Variants in ASIC2 observed in about 807,000 individuals in gnomAD.
ASIC2 encodes the protein acid sensing ion channel subunit 2, also known as acid-sensing ion channel 2.
Under a neutral mutation model 57.3 loss-of-function variants are expected in ASIC2, and 25 were observed. The ratio of observed to expected loss-of-function variants is 0.44; its 90% CI spans 0.32 to 0.61. ASIC2 has a LOEUF of 0.61. Among genes scored for constraint, ASIC2 ranks in the 20% least tolerant of loss-of-function variants. The pLI, the probability that ASIC2 is intolerant of heterozygous loss-of-function variation, is 0.06. For synonymous variants in ASIC2, 319 were observed against 307.5 expected, an observed-to-expected ratio of 1.04 and a Z score of -0.39; for missense variants, 641 against 738.1, an observed-to-expected ratio of 0.87 and a Z score of 1.52.
At chr17:33,361,504 T>C (rs1171063922) in intron 1 of ASIC2, among the ~76,000 whole-genome samples, 2 of 152,192 alleles carry the variant, frequency 1.3e-5, no homozygotes, top group East Asian at 1.9e-4. Context: ...AAGAACCAAC[T>C]TCTGGAAGTC....
chr17:33,436,849 A>ACTTCTT (rs1211289464), intron 1 of ASIC2, among the ~76,000 whole-genome samples: 1 of 76,392 alleles, frequency 1.3e-5, no homozygotes, highest in East Asian at 4.1e-4. Context: ...ACACATTCCA[A>ACTTCTT]CTTCTTTTTT....
chr17:33,350,281 T>C (rs1183312255), intron 1 of ASIC2, among the ~76,000 whole-genome samples: 3 of 152,222 alleles, frequency 2.0e-5, no homozygotes, highest in Admixed American at 2.0e-4. Context: ...TGGGACTATG[T>C]CTTGCCTCTC....
At chr17:34,101,052 CA>C (rs1910846455) in intron 1 of ASIC2, among the ~76,000 whole-genome samples, 1 of 152,176 alleles carries the variant, frequency 6.6e-6, no homozygotes, top group African/African-American at 2.4e-5. Flanking sequence ...TTAATTCTGA[CA>C]AAAGTCCTTA....
chr17:33,548,705 C>T (rs1398583439), intron 1 of ASIC2, among the ~76,000 whole-genome samples: 1 of 152,150 alleles, frequency 6.6e-6, no homozygotes. Context: ...TGGTCAGACA[C>T]TCAACTGTTT....
chr17:33,476,162 G>T (rs1913212275), intron 1 of ASIC2, among the ~76,000 whole-genome samples: 1 of 152,102 alleles, frequency 6.6e-6, no homozygotes, highest in Non-Finnish European at 1.5e-5. Flanking sequence ...ATTCTAGCAA[G>T]GACCTAACCG....
At chr17:33,222,270 T>C (rs1464528272) in intron 1 of ASIC2, among the ~76,000 whole-genome samples, 1 of 152,216 alleles carries the variant, frequency 6.6e-6, no homozygotes, top group East Asian at 1.9e-4. Context: ...AGTACTGATA[T>C]ATGCTACAAC....
chr17:33,891,501 T>A (rs1035229304), intron 1 of ASIC2, among the ~76,000 whole-genome samples: 1 of 152,214 alleles, frequency 6.6e-6, no homozygotes, highest in African/African-American at 2.4e-5. Flanking sequence ...TGGAGGATAC[T>A]ACATCATAAC....
chr17:33,778,261 TA>T (rs959201297), intron 1 of ASIC2, among the ~76,000 whole-genome samples: 137 of 152,130 alleles, frequency 9.0e-4, no homozygotes, highest in African/African-American at 3.2e-3. Context: ...AGCATGAGTG[TA>T]AAAAAGAAAA....
chr17:33,968,685 C>T (rs1204309683), intron 1 of ASIC2, among the ~76,000 whole-genome samples: 1 of 152,178 alleles, frequency 6.6e-6, no homozygotes, highest in African/African-American at 2.4e-5. Context: ...GGTCAGGAAG[C>T]GCCCATCTGC....
intron 1 of ASIC2, among the ~76,000 whole-genome samples, chr17:33,455,098 T>A (rs1912402856): frequency 6.6e-6 from 1 of 152,240 alleles, no homozygotes; most frequent in Admixed American, 6.5e-5. Flanking sequence ...GAGGCTTTTG[T>A]TGTATACAGG....
chr17:34,001,764 C>G (rs527782380), intron 1 of ASIC2: 2 of 152,342 alleles, frequency 1.3e-5, no homozygotes, highest in East Asian at 3.9e-4. Context: ...GTCCTTTCTA[C>G]CCTGTTTAGT....
At chr17:33,217,039 T>G (rs879436480) in intron 1 of ASIC2, among the ~76,000 whole-genome samples, 3 of 152,238 alleles carry the variant, frequency 2.0e-5, no homozygotes, top group Non-Finnish European at 2.9e-5. Context: ...TCCCAGTGAC[T>G]GTCAGAATAT....
chr17:33,506,092 A>C (rs1362488580), intron 1 of ASIC2, among the ~76,000 whole-genome samples: 2 of 152,272 alleles, frequency 1.3e-5, no homozygotes, highest in South Asian at 2.1e-4. Context: ...TAGGAGTAAA[A>C]GATAGAAATG....
intron 1 of ASIC2, among the ~76,000 whole-genome samples, chr17:33,654,987 A>C (rs1031858590): frequency 6.6e-6 from 1 of 152,216 alleles, no homozygotes; most frequent in Non-Finnish European, 1.5e-5. Flanking sequence ...CAACAAAAAA[A>C]GAAGACCTCC....
chr17:33,472,672 G>A (rs768456470), intron 1 of ASIC2, among the ~76,000 whole-genome samples: 25 of 152,244 alleles, frequency 1.6e-4, no homozygotes, highest in Non-Finnish European at 3.1e-4. Flanking sequence ...TCTTGGCAAT[G>A]GAATGATTAC....
intron 3 of ASIC2, 22 bp downstream of exon 3, chr17:33,088,841 C>T (rs780501546): frequency 3.1e-6 from 5 of 1,598,140 alleles, no homozygotes; most frequent in South Asian, 2.3e-5. Context: ...GACCATCAAT[C>T]CTGGGAGCCC....
At chr17:33,674,767 A>C (rs1020657377) in intron 1 of ASIC2, among the ~76,000 whole-genome samples, 3 of 152,178 alleles carry the variant, frequency 2.0e-5, no homozygotes, top group Non-Finnish European at 2.9e-5. Context: ...TGGCCTGAAA[A>C]AGAAGCAATG....
At chr17:33,073,982 C>G (rs1419804182) in intron 3 of ASIC2, among the ~76,000 whole-genome samples, 1 of 152,110 alleles carries the variant, frequency 6.6e-6, no homozygotes, top group East Asian at 1.9e-4. Context: ...AGAATAGCTC[C>G]TTAGCTCTCA....
upstream of ASIC2, among the ~76,000 whole-genome samples, chr17:33,293,340 AGACGCGGTGCT>A (rs1378569341): frequency 6.6e-6 from 1 of 152,072 alleles, no homozygotes; most frequent in Non-Finnish European, 1.5e-5. Context: ...GCGCTCCTGG[AGACGCGGTGCT>A]GACGCGCCCG....
Sources: allele counts gnomAD v4.1 joint callset (sites outside exome capture counted in the v4.1 genomes callset), GRCh38; gene constraint gnomAD v4.1.1; transcripts MANE v1.5; gene names NCBI Gene and HGNC (gene_info 2026-07-23, HGNC 2026-07-21).